The following ZFR2 variants were observed in gnomAD, a reference collection of about 807,000 sequenced individuals.
The protein encoded by ZFR2 is zinc finger RNA binding protein 2, also known as zinc finger RNA-binding protein 2.
In ZFR2, 104 loss-of-function variants were observed where a neutral mutation model predicts 105.7. The ratio of observed to expected loss-of-function variants is 0.98; its 90% CI spans 0.84 to 1.16. ZFR2 has a LOEUF of 1.16. Ranked by LOEUF, ZFR2 falls within the 50% of genes most tolerant of loss-of-function variation. The pLI, the probability that ZFR2 is intolerant of heterozygous loss-of-function variation, is 0.00. For synonymous variants in ZFR2, 634 were observed against 597.7 expected (o/e 1.06, Z -0.89); for missense variants, 1,425 against 1,355.5 (o/e 1.05, Z -0.80).
chr19:3,829,584 C>T (rs1025121207), intron 5 of ZFR2, among the ~76,000 whole-genome samples: 3 of 151,702 alleles, frequency 2.0e-5, no homozygotes, highest in Non-Finnish European at 2.9e-5. Context: ...GTGATCATAG[C>T]TCACTGCAGC....
chr19:3,805,932 T>A lies in ZFR2; in HGVS notation c.*17A>T. 6.6e-7 allele frequency: 1 copy of A among 1,518,702 alleles called. No homozygotes were observed. The highest frequency in any genetic ancestry group is 8.8e-7 in the Non-Finnish European group (1 of 1,137,374). 94.1% of individuals were successfully genotyped at this position (1,518,702 alleles called of 1,614,324 possible). ...GTGCAGGGATGCAAAGGCCCGCAGG[T>A]GGGGGAGGTAGGCGGCTCACACGAG... On this transcript the variant is annotated 3_prime_UTR_variant, in exon 19 of 19. Transcript: ENST00000262961.
intron 5 of ZFR2, among the ~76,000 whole-genome samples, chr19:3,829,715 T>C (rs1455805909): frequency 6.6e-6 from 1 of 152,176 alleles, no homozygotes; most frequent in African/African-American, 2.4e-5. Flanking sequence ...GTTTCACCCA[T>C]GTTGCCCAGG....
intron 1 of ZFR2, among the ~76,000 whole-genome samples, chr19:3,860,449 T>C (rs1262173971): frequency 6.6e-6 from 1 of 152,126 alleles, no homozygotes; most frequent in Admixed American, 6.5e-5. Flanking sequence ...GGAGCCACCA[T>C]AGGGCGGCAG....
At chr19:3,827,345 C>A in intron 6 of ZFR2, 126 bp downstream of exon 6, 1 of 1,191,554 alleles carries the variant, frequency 8.4e-7, no homozygotes, top group Non-Finnish European at 1.1e-6. Flanking sequence ...GCCCTTGGGG[C>A]GCGCTCCACT....
Position 3,831,741 on chromosome 19 carries a change from C to G in ZFR2, c.517G>C (p.Gly173Arg), listed in dbSNP as rs755011310. The G allele has an allele frequency of 8.2e-5, 131 of 1,606,022 alleles. No homozygotes were observed. The highest frequency in any genetic ancestry group is 2.4e-4 in the Admixed American group (14 of 59,312). The change falls in exon 4 of 19, where the codon GGC becomes CGC. Residue 173 changes from glycine to arginine, a missense_variant. By Grantham distance (125) the Gly-to-Arg change is moderately radical. Coordinates refer to ENST00000262961, the MANE Select transcript of ZFR2 (RefSeq NM_015174.2). ...GAAGCTGACGACTCGGGCTGGACGC[C>G]TGTCGCCGTGGGGTAGGTGTATCCC... ...SSGYTYPTAT[G>R]VQPESSASIV...
chr19:3,841,195 A>G, intron 1 of ZFR2, among the ~76,000 whole-genome samples: 1 of 152,208 alleles, frequency 6.6e-6, no homozygotes, highest in East Asian at 1.9e-4. Flanking sequence ...TTCAGAGTGC[A>G]AGGAGGGTGG....
At chr19:3,864,198 T>G (rs1204863738) in intron 1 of ZFR2, among the ~76,000 whole-genome samples, 1 of 151,666 alleles carries the variant, frequency 6.6e-6, no homozygotes, top group Non-Finnish European at 1.5e-5. Context: ...CTGGGCAAAA[T>G]AGCAAGACCC....
At chr19:3,864,415 T>C (rs1410615757) in intron 1 of ZFR2, among the ~76,000 whole-genome samples, 2 of 151,166 alleles carry the variant, frequency 1.3e-5, no homozygotes, top group African/African-American at 4.9e-5. Flanking sequence ...CAAACAGAGG[T>C]TCTCTGGACA....
At chr19:3,814,209 T>C (rs1482385012) in intron 13 of ZFR2, among the ~76,000 whole-genome samples, 1 of 152,100 alleles carries the variant, frequency 6.6e-6, no homozygotes, top group Non-Finnish European at 1.5e-5. Context: ...CCTCCATATG[T>C]AAAGAATACC....
At position 3,858,556 on chromosome 19, in the gene ZFR2, G is replaced by A. The variant is rs2038334342; in HGVS notation, c.53+10409C>T. On this transcript the variant is annotated intron_variant, in intron 1 of 18. Coordinates refer to ENST00000262961, the MANE Select transcript of ZFR2 (RefSeq NM_015174.2). This position sits in a 1 kb window ranked among gnomAD's most constrained non-coding sequence, Gnocchi z 4.3. ...GACTCAGTCAGGTGCAGTGGCTCAC[G>A]CCTATAATCCCAGTGCTTTGGGAGG... 6.6e-6 allele frequency among the ~76,000 whole-genome samples: 1 copy of A among 152,200 alleles called. No homozygotes were observed. The highest frequency in any genetic ancestry group is 1.5e-5 in the Non-Finnish European group (1 of 68,040).
intron 12 of ZFR2, among the ~76,000 whole-genome samples, chr19:3,818,549 G>A (rs10412873): frequency 0.014 from 2,160 of 152,252 alleles, 52 homozygotes; most frequent in African/African-American, 0.049. Context: ...GGTAACTCCC[G>A]CTCAGATGAG....
At chr19:3,848,010 CA>C (rs2038200533) in intron 1 of ZFR2, among the ~76,000 whole-genome samples, 1 of 152,140 alleles carries the variant, frequency 6.6e-6, no homozygotes, top group South Asian at 2.1e-4. Context: ...CTACAGAGCT[CA>C]ACAAGAGGGT....
intron 1 of ZFR2, among the ~76,000 whole-genome samples, chr19:3,860,086 A>C (rs1177774873): frequency 6.6e-6 from 1 of 152,098 alleles, no homozygotes; most frequent in Non-Finnish European, 1.5e-5. Flanking sequence ...GCTGGAGTGC[A>C]GTAGCACAAT....
At chr19:3,850,528 A>G (rs1304656941) in intron 1 of ZFR2, among the ~76,000 whole-genome samples, 1 of 151,830 alleles carries the variant, frequency 6.6e-6, no homozygotes, top group Non-Finnish European at 1.5e-5. Flanking sequence ...CAGGGAGGGA[A>G]TGAAGGTTAT....
At chr19:3,820,035 G>C in intron 11 of ZFR2, 147 bp downstream of exon 11, 1 of 751,754 alleles carries the variant, frequency 1.3e-6, no homozygotes, top group South Asian at 1.7e-5. Context: ...GCTCCCATCT[G>C]TGGAGTGAGG....
chr19:3,864,735 CTT>C (rs1233512718), intron 1 of ZFR2, among the ~76,000 whole-genome samples: 2 of 152,034 alleles, frequency 1.3e-5, no homozygotes, highest in African/African-American at 4.8e-5. Context: ...TCTCTCTTCT[CTT>C]CTCTTTTCTT....
rs187252974 is a variant in ZFR2, at chr19:3,815,362, T to A, written c.2103+1312A>T. 2.5e-3 allele frequency among the ~76,000 whole-genome samples: 388 copies of A among 152,346 alleles called. 5 individuals carry two copies. Among genetic ancestry groups the A allele is most frequent in the African/African-American group, 8.8e-3 (366 of 41,582 alleles). ...GCCTTGGCCTCCCAAAGTGTTGGGA[T>A]TACAGGCATGAGCCACCACGCCAGG... On this transcript the variant is annotated intron_variant, in intron 13 of 18. Coordinates refer to ENST00000262961, the MANE Select transcript of ZFR2 (RefSeq NM_015174.2).
At chr19:3,845,868 C>G (rs1394470822) in intron 1 of ZFR2, among the ~76,000 whole-genome samples, 1 of 152,176 alleles carries the variant, frequency 6.6e-6, no homozygotes, top group African/African-American at 2.4e-5. Flanking sequence ...TTCAGAGGTA[C>G]TGAGGGTTAG....
At position 3,838,116 on chromosome 19, in the gene ZFR2, G is replaced by A. The variant is rs1002368105; in HGVS notation, c.54-3133C>T. ...GATGAACACCGTGACCGTGACACTC[G>A]ATGAACACCGTGACTGTGACACACA... On this transcript the variant is annotated intron_variant, in intron 1 of 18. Coordinates refer to ENST00000262961, the MANE Select transcript of ZFR2 (RefSeq NM_015174.2). This position sits in a 1 kb window ranked among gnomAD's most constrained non-coding sequence, Gnocchi z 4.9. Among the ~76,000 whole-genome samples, 23 of 150,200 alleles carry A rather than the reference G, an allele frequency of 1.5e-4. No individual in the cohort carries two copies. The highest frequency in any genetic ancestry group is 4.0e-4 in the East Asian group (2 of 5,038).
Sources: gnomAD v4.1 joint callset for allele counts (sites outside exome capture counted in the v4.1 genomes callset) on GRCh38, gnomAD v4.1.1 for gene constraint, Gnocchi (gnomAD v3.1) non-coding constraint, MANE v1.5 for transcripts, NCBI Gene and HGNC (gene_info 2026-07-23, HGNC 2026-07-21) for gene names.